The following SORCS2 variants were observed in gnomAD, a reference collection of about 807,000 sequenced individuals.
SORCS2 encodes sortilin related VPS10 domain containing receptor 2, also known as VPS10 domain-containing receptor SorCS2.
A neutral mutation model predicts 141.6 loss-of-function variants in SORCS2; 100 were observed. The ratio of observed to expected loss-of-function variants is 0.71; its 90% confidence interval spans 0.60 to 0.83. The LOEUF is 0.83. SORCS2 is among the 40% of genes least tolerant of loss of function. The probability of loss-of-function intolerance (pLI) is 0.00; values close to 1 mark genes in which losing one functional copy is unlikely to be tolerated. For missense variants in SORCS2, 1,646 were observed against 1,560.2 expected, an observed-to-expected ratio of 1.05 and a Z score of -0.93; for synonymous variants, 789 against 676.9, an observed-to-expected ratio of 1.17 and a Z score of -2.57.
intron 2 of SORCS2, among the ~76,000 whole-genome samples, chr4:7,446,471 G>C (rs1300399201): frequency 1.3e-5 from 2 of 152,182 alleles, no homozygotes; most frequent in African/African-American, 4.8e-5. Flanking sequence ...TGAGTGTTGG[G>C]GTACAAGCTG....
chr4:7,700,785 C>T (rs1015776384), intron 12 of SORCS2, among the ~76,000 whole-genome samples: 4 of 152,208 alleles, frequency 2.6e-5, no homozygotes, highest in African/African-American at 7.2e-5. Flanking sequence ...CCCAGGTTAA[C>T]TCTGAATCCC....
rs79536991 is a variant in SORCS2 at position 7,466,965 on chromosome 4, G to A, written c.549-64565G>A. Among the ~76,000 whole-genome samples the A allele has an allele frequency of 6.7e-3, 1,020 of 152,260 alleles. 13 individuals are homozygous for A. Among genetic ancestry groups the A allele is most frequent in the African/African-American group, 0.024 (979 of 41,534 alleles). On this transcript the variant is annotated intron_variant, in intron 2 of 26. Transcript: ENST00000507866. ...TTCTCTTTGGAGATGGGTGGGGCTT[G>A]TATGTATGCAGGTGGCTCAGTGGCT...
At chr4:7,455,397 G>T (rs1230382727) in intron 2 of SORCS2, among the ~76,000 whole-genome samples, 1 of 123,352 alleles carries the variant, frequency 8.1e-6, no homozygotes, top group Non-Finnish European at 1.7e-5. Context: ...GTCAGGTGCT[G>T]TGTTGGGGTC....
intron 2 of SORCS2, among the ~76,000 whole-genome samples, chr4:7,500,353 T>C (rs1276567704): frequency 6.6e-6 from 1 of 152,136 alleles, no homozygotes; most frequent in East Asian, 1.9e-4. Flanking sequence ...TGGAGGTCCC[T>C]GGCAGCGCCA....
At chr4:7,696,585 G>T (rs1224529210) in intron 11 of SORCS2, among the ~76,000 whole-genome samples, 1 of 152,190 alleles carries the variant, frequency 6.6e-6, no homozygotes, top group Non-Finnish European at 1.5e-5. Context: ...GCCCCTCCGA[G>T]TAGGCATCAA....
At chr4:7,709,260 G>A (rs1725674329) in intron 14 of SORCS2, among the ~76,000 whole-genome samples, 1 of 152,184 alleles carries the variant, frequency 6.6e-6, no homozygotes, top group Non-Finnish European at 1.5e-5. Flanking sequence ...GCCTTCTCCG[G>A]GCCTCAGCTT....
intron 1 of SORCS2, among the ~76,000 whole-genome samples, chr4:7,220,959 G>A (rs1167139727): frequency 6.6e-6 from 1 of 152,206 alleles, no homozygotes; most frequent in Middle Eastern, 3.2e-3. Context: ...TCAAAACAAA[G>A]TAATGCCCCA....
At chr4:7,411,058 C>T (rs1314177076) in intron 2 of SORCS2, among the ~76,000 whole-genome samples, 5 of 144,966 alleles carry the variant, frequency 3.4e-5, no homozygotes, top group African/African-American at 5.1e-5. Context: ...CGGGTTCAAG[C>T]GATTCTCCTA....
chr4:7,444,976 G>A (rs1727896136), intron 2 of SORCS2, among the ~76,000 whole-genome samples: 1 of 152,232 alleles, frequency 6.6e-6, no homozygotes, highest in African/African-American at 2.4e-5. Context: ...CTGTTGGGCT[G>A]TGGTTGCAAC....
intron 3 of SORCS2, among the ~76,000 whole-genome samples, chr4:7,550,132 ATGTGTGTGTGTG>A (rs36213889): frequency 4.9e-5 from 7 of 142,220 alleles, no homozygotes; most frequent in Admixed American, 3.5e-4. Flanking sequence ...GTATGTGTGT[ATGTGTGTGTGTG>A]TGTGTGTGTG....
chr4:7,388,195 G>A (rs1723600008), intron 1 of SORCS2, among the ~76,000 whole-genome samples: 1 of 152,216 alleles, frequency 6.6e-6, no homozygotes, highest in African/African-American at 2.4e-5. Flanking sequence ...ACGGCCTGCA[G>A]AAGTCGGCTC....
intron 1 of SORCS2, among the ~76,000 whole-genome samples, chr4:7,373,612 C>A (rs1238452333): frequency 6.7e-6 from 1 of 149,588 alleles, no homozygotes; most frequent in African/African-American, 2.5e-5. Flanking sequence ...CCTGCCTCAG[C>A]CTCCCAAGTA....
At chr4:7,590,375 C>T (rs957284634) in intron 3 of SORCS2, among the ~76,000 whole-genome samples, 4 of 152,154 alleles carry the variant, frequency 2.6e-5, no homozygotes, top group Non-Finnish European at 4.4e-5. Context: ...TATTTGCTAA[C>T]TTTAAGAAGG....
chr4:7,202,762 G>A (rs532890027), intron 1 of SORCS2, among the ~76,000 whole-genome samples: 9 of 152,176 alleles, frequency 5.9e-5, no homozygotes, highest in Non-Finnish European at 8.8e-5. Flanking sequence ...AGCATCAGAC[G>A]TAGTGATAAC....
intron 26 of SORCS2, among the ~76,000 whole-genome samples, chr4:7,738,026 G>A (rs879593538): frequency 6.6e-6 from 1 of 152,236 alleles, no homozygotes; most frequent in Non-Finnish European, 1.5e-5. Context: ...CCAGGCAGGA[G>A]CCACACCCCT....
At chr4:7,720,561 G>T (rs760148566) in intron 18 of SORCS2, among the ~76,000 whole-genome samples, 14 of 152,178 alleles carry the variant, frequency 9.2e-5, no homozygotes, top group Non-Finnish European at 1.5e-4. Flanking sequence ...TTAAGAAGAT[G>T]AAAGGCAAGC....
intron 1 of SORCS2, among the ~76,000 whole-genome samples, chr4:7,338,232 G>A (rs1256634337): frequency 6.8e-6 from 1 of 147,624 alleles, no homozygotes; most frequent in Non-Finnish European, 1.5e-5. Flanking sequence ...ATGGATGTCG[G>A]ATGGAAGGAT....
intron 2 of SORCS2, among the ~76,000 whole-genome samples, chr4:7,511,598 C>T (rs922262055): frequency 6.6e-5 from 10 of 152,190 alleles, no homozygotes; most frequent in South Asian, 6.2e-4. Flanking sequence ...GAGAGATGGA[C>T]GCTGGGTGCG....
intron 1 of SORCS2, among the ~76,000 whole-genome samples, chr4:7,250,963 G>A (rs916140355): frequency 2.0e-5 from 3 of 152,382 alleles, no homozygotes; most frequent in African/African-American, 7.2e-5. Flanking sequence ...GAATTCTGGT[G>A]AGGACGCTGG....
Sources: allele counts gnomAD v4.1 joint callset (sites outside exome capture counted in the v4.1 genomes callset), GRCh38; gene constraint gnomAD v4.1.1; transcripts MANE v1.5; gene names NCBI Gene and HGNC (gene_info 2026-07-23, HGNC 2026-07-21).